The following FAM131B variants were observed in gnomAD, a reference collection of about 807,000 sequenced individuals.
FAM131B encodes the protein family with sequence similarity 131 member B, also known as protein FAM131B.
In FAM131B, 19 loss-of-function variants were observed where a neutral mutation model predicts 42.0. The ratio of observed to expected loss-of-function variants is 0.45; its 90% CI spans 0.32 to 0.66. FAM131B has a LOEUF of 0.66. Among genes scored for constraint, FAM131B ranks in the 30% least tolerant of loss-of-function variants. The pLI is 0.05. For synonymous variants in FAM131B, 183 were observed against 177.6 expected, an observed-to-expected ratio of 1.03 and a Z score of -0.24; for missense variants, 370 against 468.4, an observed-to-expected ratio of 0.79 and a Z score of 1.94.
chr7:143,358,561 A>G lies in FAM131B; in HGVS notation c.466+266T>C, dbSNP rs1803795183. 6.6e-6 allele frequency among the ~76,000 whole-genome samples: 1 copy of G among 152,170 alleles called. No homozygotes were observed. The highest frequency in any genetic ancestry group is 2.4e-5 in the African/African-American group (1 of 41,446). Reference sequence around the variant, plus strand: ...TGCACTTGAGGGAGTTCAGGTTTGGATAGTCCCGTGATGAGGAGAGAAGGC... The same window carrying G: ...TGCACTTGAGGGAGTTCAGGTTTGGGTAGTCCCGTGATGAGGAGAGAAGGC... On this transcript the variant is annotated intron_variant, in intron 5 of 6. Transcript: ENST00000443739. This position sits in a 1 kb window ranked among gnomAD's most constrained non-coding sequence, Gnocchi z 4.7.
chr7:143,370,915 T>C, the FAM131B span, among the ~76,000 whole-genome samples: 1 of 152,136 alleles, frequency 6.6e-6, no homozygotes, highest in East Asian at 1.9e-4. Flanking sequence ...ACCCTTAGCC[T>C]CCATGTTAAC....
At chr7:143,374,387 C>T in the FAM131B span, among the ~76,000 whole-genome samples, 77,921 of 151,950 alleles carry the variant, frequency 0.51, 20,560 homozygotes, top group Middle Eastern at 0.59. Context: ...CTAAAAAGCT[C>T]TCTACTCTAT....
rs1354396116 is a variant in FAM131B at position 143,360,040 on chromosome 7, C to T, written c.138G>A (p.Glu46=). ...HGSSLHRPST[E]QTRTDFSWDG... is the part of the protein sequence containing the mutation. ...TTGGGGTGGCTGAGTGAGGTCTCAC[C>T]TCAGTCGATGGCCGATGGAGGCTGC... Residue 46 remains glutamate (E), a splice_region_variant and synonymous_variant, in exon 2 of 7, where the codon GAG becomes GAA. Transcript: ENST00000443739. 6.2e-7 allele frequency: 1 copy of T among 1,611,468 alleles called. No homozygotes were observed. The highest frequency in any genetic ancestry group is 2.2e-5 in the East Asian group (1 of 44,868).
chr7:143,360,377 T>C, intron 1 of FAM131B: 1 of 1,394,410 alleles, frequency 7.2e-7, no homozygotes, highest in Admixed American at 3.0e-5. Flanking sequence ...TGGCCTTATT[T>C]GTTGTTGTTT....
intron 6 of FAM131B, 59 bp from the exon 7 acceptor site, chr7:143,357,081 G>A: frequency 7.8e-7 from 1 of 1,288,404 alleles, no homozygotes; most frequent in Non-Finnish European, 1.1e-6. Flanking sequence ...AGGAATGACA[G>A]CACAGACAGC....
At chr7:143,369,504 G>A in the FAM131B span, among the ~76,000 whole-genome samples, 2 of 151,906 alleles carry the variant, frequency 1.3e-5, no homozygotes, top group East Asian at 3.9e-4. Context: ...GTGAAACCCC[G>A]TCTCTACTAA....
At chr7:143,368,708 T>C in the FAM131B span, among the ~76,000 whole-genome samples, 8 of 152,238 alleles carry the variant, frequency 5.3e-5, no homozygotes, top group African/African-American at 1.9e-4. Flanking sequence ...CAGGCACAGC[T>C]GACAGCCTAC....
In FAM131B at chr7:143,358,020, G is replaced by C. The variant is rs1803755876; in HGVS notation, c.467-597C>G. On this transcript the variant is annotated intron_variant, in intron 5 of 6. Transcript: ENST00000443739. This position sits in a 1 kb window ranked among gnomAD's most constrained non-coding sequence, Gnocchi z 4.7. The stretch of plus-strand genomic sequence containing the variant: ...GAGAGTAGATTTCAAGATCAACAGA[G>C]AACCCCCAAGAGAGCATCGTGGGCT... Among the ~76,000 whole-genome samples the C allele has an allele frequency of 6.6e-6, 1 of 152,148 alleles. No individual in the cohort carries two copies. The highest frequency in any genetic ancestry group is 2.4e-5 in the African/African-American group (1 of 41,420).
the FAM131B span, among the ~76,000 whole-genome samples, chr7:143,373,505 G>C: frequency 2.0e-5 from 3 of 152,188 alleles, no homozygotes; most frequent in African/African-American, 7.2e-5. Flanking sequence ...TCTGGATATA[G>C]CAATGAGAGT....
the FAM131B span, among the ~76,000 whole-genome samples, chr7:143,378,855 C>T: frequency 2.0e-5 from 3 of 152,232 alleles, no homozygotes; most frequent in African/African-American, 4.8e-5. Flanking sequence ...GGATTACAGG[C>T]GTGAGCCACT....
chr7:143,368,853 A>T, the FAM131B span, among the ~76,000 whole-genome samples: 2 of 152,220 alleles, frequency 1.3e-5, no homozygotes, highest in Admixed American at 1.3e-4. Context: ...TTTCACCTAC[A>T]AAGTCTAACT....
At chr7:143,373,593 G>A in the FAM131B span, among the ~76,000 whole-genome samples, 4 of 152,138 alleles carry the variant, frequency 2.6e-5, no homozygotes, top group African/African-American at 9.7e-5. Flanking sequence ...CTGAGGCGGT[G>A]TGTCCTCAGG....
rs1370281438 is a variant in FAM131B, at chr7:143,359,149, C to G, written c.269-125G>C. On this transcript the variant is annotated intron_variant, in intron 4 of 6. Coordinates refer to ENST00000443739, the MANE Select transcript of FAM131B (RefSeq NM_001031690.3). The surrounding 1 kb of genome is among the most constrained non-coding windows in gnomAD (Gnocchi z 5.4). ...CCACTGGGCCAGGCTCCCCTAAGGA[C>G]TCCATAGATGGGGTAGTGGAGGGAA... The G allele has an allele frequency of 1.8e-6, 2 of 1,101,524 alleles. No homozygotes were observed. The highest frequency in any genetic ancestry group is 5.1e-5 in the East Asian group (2 of 38,990). 68.2% of individuals were successfully genotyped at this position (1,101,524 alleles called of 1,614,324 possible).
the FAM131B span, chr7:143,380,406 C>G: frequency 4.1e-6 from 4 of 985,048 alleles, no homozygotes; most frequent in Non-Finnish European, 4.8e-6. The surrounding 1 kb of genome is among the most constrained non-coding windows in gnomAD (Gnocchi z 5.0). Context: ...CAAGCGCAGT[C>G]TCAGAATGCC....
At chr7:143,367,534 G>A (rs930600469), upstream of FAM131B, among the ~76,000 whole-genome samples, 7 of 152,072 alleles carry the variant, frequency 4.6e-5, no homozygotes, top group African/African-American at 7.2e-5. Context: ...GTGAAACTCC[G>A]TCTCTACTAA....
rs1382682022 is a variant in FAM131B at position 143,353,868 on chromosome 7, C to A, written c.*2682G>T. Reference sequence around the variant, plus strand: ...AAAGTCAATTGAAAATGAAAGTGCACCCCCCCTCCAAAAAAAGAAAATCAT... The same window carrying A: ...AAAGTCAATTGAAAATGAAAGTGCAACCCCCCTCCAAAAAAAGAAAATCAT... On this transcript the variant is annotated 3_prime_UTR_variant, in exon 7 of 7. Coordinates refer to ENST00000443739, the MANE Select transcript of FAM131B (RefSeq NM_001031690.3). 2 of 95,282 alleles carry A rather than the reference C, an allele frequency of 2.1e-5. No individual in the cohort carries two copies. The highest frequency in any genetic ancestry group is 2.9e-4 in the South Asian group (1 of 3,416). 5.9% of individuals were successfully genotyped at this position (95,282 alleles called of 1,614,324 possible). A position where few individuals can be genotyped will look rare whatever the true frequency, so the allele number is the denominator to read the frequency against.
At position 143,362,217 on chromosome 7, in the gene FAM131B, C is replaced by T. The variant is rs1464935622; in HGVS notation, c.28+359G>A. 1 of 197,394 alleles carries T rather than the reference C, an allele frequency of 5.1e-6. No homozygotes were observed. Among genetic ancestry groups the T allele is most frequent in the Non-Finnish European group, 1.0e-5 (1 of 97,480 alleles). 12.2% of individuals were successfully genotyped at this position (197,394 alleles called of 1,614,324 possible). A position where few individuals can be genotyped will look rare whatever the true frequency, so the allele number is the denominator to read the frequency against. ...CCGGAGTGGGGGATGCGAGGAGGCG[C>T]TGGGGACGGCGGAGCAGAGGCGGAT... On this transcript the variant is annotated intron_variant, in intron 1 of 6. Transcript: ENST00000443739. The surrounding 1 kb of genome is among the most constrained non-coding windows in gnomAD (Gnocchi z 7.7).
rs780745706 is a variant in FAM131B at position 143,358,782 on chromosome 7, G to C, written c.466+45C>G. 1 of 1,539,608 alleles carries C rather than the reference G, an allele frequency of 6.5e-7. No homozygotes were observed. The highest frequency in any genetic ancestry group is 1.1e-5 in the South Asian group (1 of 88,090). On this transcript the variant is annotated intron_variant, in intron 5 of 6. Transcript: ENST00000443739. This position sits in a 1 kb window ranked among gnomAD's most constrained non-coding sequence, Gnocchi z 4.7. ...GGATCAGGTTGGAGGGTCGGTCCCT[G>C]GCCATCCTGCAAATGTGTCTCTTGA...
chr7:143,381,326 G>A, the FAM131B span: 25 of 1,130,684 alleles, frequency 2.2e-5, no homozygotes, highest in African/African-American at 3.5e-4. Context: ...CCCGGCTGGA[G>A]GCTGCTCCGG....
Sources: gnomAD v4.1 joint callset for allele counts (sites outside exome capture counted in the v4.1 genomes callset) on GRCh38, gnomAD v4.1.1 for gene constraint, Gnocchi (gnomAD v3.1) non-coding constraint, MANE v1.5 for transcripts, NCBI Gene and HGNC (gene_info 2026-07-23, HGNC 2026-07-21) for gene names.